Variants in ZNF212 observed in about 807,000 individuals in gnomAD.
ZNF212 encodes the protein zinc finger protein 212.
In ZNF212, 32 loss-of-function variants were observed where a neutral mutation model predicts 47.3. The ratio of observed to expected loss-of-function variants is 0.68; its 90% CI spans 0.51 to 0.91. The LOEUF is 0.91. ZNF212 is among the 40% of genes least tolerant of loss of function. ZNF212 has a pLI of 0.00. For missense variants in ZNF212, 555 were observed against 622.8 expected (o/e 0.89, Z 1.16); for synonymous variants, 242 against 253.8 (o/e 0.95, Z 0.44).
chr7:149,244,295 A>C (rs1306748793), intron 1 of ZNF212, among the ~76,000 whole-genome samples: 3 of 151,982 alleles, frequency 2.0e-5, no homozygotes, highest in African/African-American at 7.2e-5. Context: ...CAGGTACAGA[A>C]ATGATTATTT....
rs771394381 is a variant in ZNF212 at position 149,250,825 on chromosome 7, C to T, written c.541+18C>T. On this transcript the variant is annotated intron_variant, in intron 3 of 4. Coordinates refer to ENST00000335870, the MANE Select transcript of ZNF212 (RefSeq NM_012256.4). The stretch of plus-strand genomic sequence containing the variant: ...CTCTCTGAGTGAGTAGCAGTTTTCT[C>T]CCTAGAATTCTGTCTCAGACATACT... 10 of 1,613,898 alleles carry T rather than the reference C, an allele frequency of 6.2e-6. No individual in the cohort carries two copies. The East Asian group carries it at 8.9e-5, about 14-fold the overall frequency.
In ZNF212 at chr7:149,250,331, AG is replaced by A. The variant is rs753254594; in HGVS notation, c.201del (p.Arg68AlafsTer102). On this transcript the variant is annotated frameshift_variant, in exon 2 of 5. Transcript: ENST00000335870. LOFTEE classifies it high-confidence loss of function. Reference sequence around the variant, plus strand: ...CAGGCTGCCCGGCTACAGAGCCTGGAGGGGCGCACGGGGACAGCCGAGAAGA... The same window carrying A: ...CAGGCTGCCCGGCTACAGAGCCTGGAGGGCGCACGGGGACAGCCGAGAAGA... ...ESQAARLQSL[E>X]GRTGTAEKKL... 2.5e-6 allele frequency: 4 copies of A among 1,613,936 alleles called. No individual in the cohort carries two copies. The highest frequency in any genetic ancestry group is 3.4e-6 in the Non-Finnish European group (4 of 1,180,030).
At chr7:149,240,655 A>G (rs1280688334) in intron 1 of ZNF212, among the ~76,000 whole-genome samples, 1 of 152,160 alleles carries the variant, frequency 6.6e-6, no homozygotes, top group Non-Finnish European at 1.5e-5. Flanking sequence ...ATACTGTTTC[A>G]AAGTAGTGGT....
In ZNF212 at chr7:149,255,595, GAAAA is replaced by G. The variant is rs907138380; in HGVS notation, c.*1188_*1191del. On this transcript the variant is annotated 3_prime_UTR_variant, in exon 5 of 5. Coordinates refer to ENST00000335870, the MANE Select transcript of ZNF212 (RefSeq NM_012256.4). Reference sequence around the variant, plus strand: ...AGAATAAAACTTGCTACTAGCAAAAGAAAAAAAAAAAGTTCATACTGGATGTTTT... The same window carrying G: ...AGAATAAAACTTGCTACTAGCAAAAGAAAAAAAGTTCATACTGGATGTTTT... 6.8e-6 allele frequency: 1 copy of G among 147,284 alleles called. No homozygotes were observed. Among genetic ancestry groups the G allele is most frequent in the Non-Finnish European group, 1.5e-5 (1 of 65,958 alleles). 9.1% of individuals were successfully genotyped at this position (147,284 alleles called of 1,614,324 possible). A position where few individuals can be genotyped will look rare whatever the true frequency, so the allele number is the denominator to read the frequency against.
intron 3 of ZNF212, among the ~76,000 whole-genome samples, chr7:149,251,963 A>T (rs926344769): frequency 6.6e-6 from 1 of 150,766 alleles, no homozygotes; most frequent in Non-Finnish European, 1.5e-5. Context: ...AAAAAAAAAA[A>T]GATGATTTGA....
chr7:149,247,450 G>A (rs925455991), intron 1 of ZNF212, among the ~76,000 whole-genome samples: 1 of 152,138 alleles, frequency 6.6e-6, no homozygotes, highest in Non-Finnish European at 1.5e-5. Flanking sequence ...ACATGTCAGT[G>A]ATTTTGGTTC....
intron 1 of ZNF212, among the ~76,000 whole-genome samples, chr7:149,241,562 C>T (rs1207430204): frequency 6.6e-6 from 1 of 152,014 alleles, no homozygotes; most frequent in Non-Finnish European, 1.5e-5. Context: ...AGGTGTCTGT[C>T]ATTTAACAGT....
At chr7:149,253,536 G>A in intron 4 of ZNF212, 23 bp from the exon 5 acceptor site, 1 of 1,572,456 alleles carries the variant, frequency 6.4e-7, no homozygotes, top group Non-Finnish European at 8.6e-7. Flanking sequence ...GATCTTTTTT[G>A]TTGGTCTTCT....
intron 3 of ZNF212, among the ~76,000 whole-genome samples, chr7:149,251,491 C>CTTT (rs71194634): frequency 0.013 from 1,002 of 77,428 alleles, 67 homozygotes; most frequent in African/African-American, 0.037. Flanking sequence ...CCTGTTTTAT[C>CTTT]TTTTTTTTTT....
chr7:149,252,600 T>G, intron 3 of ZNF212, 106 bp from the exon 4 acceptor site: 1 of 971,782 alleles, frequency 1.0e-6, no homozygotes, highest in Non-Finnish European at 1.6e-6. Flanking sequence ...AGCCTTTGAA[T>G]CTATATTTCC....
At position 149,239,751 on chromosome 7, in the gene ZNF212, G is replaced by T. The variant is rs867130884; in HGVS notation, c.-28G>T. On this transcript the variant is annotated 5_prime_UTR_variant, in exon 1 of 5. Transcript: ENST00000335870. ...CGCAGCACGGGGGCTCCGAGGCGGG[G>T]TCTGGGTGTTGAGGGGCGACTGGAG... 7.8e-7 allele frequency: 1 copy of T among 1,279,350 alleles called. No individual in the cohort carries two copies. The highest frequency in any genetic ancestry group is 9.9e-7 in the Non-Finnish European group (1 of 1,006,248). The allele number at this position is 1,279,350 out of a possible 1,614,324, so 79.2% of individuals were successfully genotyped here. A position where few individuals can be genotyped will look rare whatever the true frequency, so the allele number is the denominator to read the frequency against.
chr7:149,243,742 G>C (rs1796633999), intron 1 of ZNF212, among the ~76,000 whole-genome samples: 1 of 152,128 alleles, frequency 6.6e-6, no homozygotes, highest in Admixed American at 6.6e-5. Context: ...TATAATAGGA[G>C]ATTTTAATAC....
intron 1 of ZNF212, among the ~76,000 whole-genome samples, chr7:149,245,319 A>G (rs1406630237): frequency 6.7e-6 from 1 of 150,318 alleles, no homozygotes; most frequent in Non-Finnish European, 1.5e-5. Context: ...ACTGCACTCC[A>G]GCCTGCAGCC....
chr7:149,242,223 G>A (rs1289325522), intron 1 of ZNF212, among the ~76,000 whole-genome samples: 1 of 151,588 alleles, frequency 6.6e-6, no homozygotes, highest in East Asian at 1.9e-4. Context: ...GTTTCACCGT[G>A]TTGGCTGGGC....
intron 1 of ZNF212, among the ~76,000 whole-genome samples, chr7:149,242,022 T>C (rs1365765035): frequency 9.7e-5 from 3 of 31,030 alleles, no homozygotes; most frequent in African/African-American, 2.7e-4. Flanking sequence ...TTTTCTTTTC[T>C]TTTTTTTTTT....
chr7:149,250,148 T>G lies in ZNF212; in HGVS notation c.25-11T>G. 1 of 1,507,794 alleles carries G rather than the reference T, an allele frequency of 6.6e-7. No homozygotes were observed. The highest frequency in any genetic ancestry group is 8.8e-7 in the Non-Finnish European group (1 of 1,130,854). The allele number at this position is 1,507,794 out of a possible 1,614,324, so 93.4% of individuals were successfully genotyped here. On this transcript the variant is annotated splice_polypyrimidine_tract_variant and intron_variant, in intron 1 of 4. Transcript: ENST00000335870. ...GGAAGTGACATTGACCCTGTGTCTT[T>G]AATCCATCAGCACAGGAGAAAACGA...
chr7:149,243,054 G>A (rs1413874431), intron 1 of ZNF212, among the ~76,000 whole-genome samples: 1 of 152,098 alleles, frequency 6.6e-6, no homozygotes, highest in Non-Finnish European at 1.5e-5. Context: ...AAGTTAAAAG[G>A]CATAGATTGT....
In ZNF212 at chr7:149,252,778, C is replaced by T; in HGVS notation, c.614C>T (p.Pro205Leu). 1 of 1,614,054 alleles carries T rather than the reference C, an allele frequency of 6.2e-7. No homozygotes were observed. The highest frequency in any genetic ancestry group is 8.5e-7 in the Non-Finnish European group (1 of 1,180,024). The part of the protein sequence containing the change: ...EMLGDLEEEG[P>L]GGAHPAGGVM... ...CTGGGTGACTTGGAAGAGGAAGGTC[C>T]TGGTGGTGCCCACCCAGGTGAGTGG... Residue 205 changes from proline to leucine, a missense_variant, in exon 4 of 5, where the codon CCT becomes CTT. Physicochemically the swap from Pro to Leu is moderately conservative, Grantham distance 98 (BLOSUM62 -3). Transcript: ENST00000335870.
Position 149,253,988 on chromosome 7 carries a change from G to T in ZNF212, c.1061G>T (p.Arg354Met), listed in dbSNP as rs775777284. ...CCTGAGGAGCCAGAGGAGAGCCTTA[G>T]GCCCAGGCCACGGCTGAAACCACAG... ...CTPEEPEESL[R>M]PRPRLKPQTK... The change falls in exon 5 of 5, where the codon AGG (arginine) becomes ATG (methionine). Residue 354 changes from arginine (R) to methionine (M), a missense_variant. Arg to Met is a moderately conservative substitution (Grantham distance 91). Transcript: ENST00000335870. The T allele has an allele frequency of 5.0e-6, 8 of 1,613,838 alleles. No homozygotes were observed. Among genetic ancestry groups the T allele is most frequent in the Non-Finnish European group, 5.9e-6 (7 of 1,179,912 alleles).
Sources: allele counts gnomAD v4.1 joint callset (sites outside exome capture counted in the v4.1 genomes callset), GRCh38; gene constraint gnomAD v4.1.1; transcripts MANE v1.5; gene names NCBI Gene and HGNC (gene_info 2026-07-23, HGNC 2026-07-21).